MAP3K13: variants seen among roughly 807,000 people sequenced by gnomAD.
MAP3K13 encodes the protein leucine zipper-bearing kinase.
In MAP3K13, 52 loss-of-function variants were observed where a neutral mutation model predicts 104.0. The observed-to-expected ratio is 0.50, with a 90% confidence interval of 0.40 to 0.63. The LOEUF (loss-of-function observed/expected upper bound fraction) is 0.63. Ranked by LOEUF, MAP3K13 falls within the 20% of genes least tolerant of loss-of-function variation. The pLI is 0.00. For synonymous variants in MAP3K13, 394 were observed against 442.2 expected, an observed-to-expected ratio of 0.89 and a Z score of 1.37; for missense variants, 914 against 1,218.5, an observed-to-expected ratio of 0.75 and a Z score of 3.72.
At chr3:185,454,592 A>AGATATAT (rs1553808099) in intron 7 of MAP3K13, among the ~76,000 whole-genome samples, 1 of 67,740 alleles carries the variant, frequency 1.5e-5, no homozygotes, top group Non-Finnish European at 3.0e-5. Flanking sequence ...TATGATATAT[A>AGATATAT]GATATATATG....
chr3:185,446,575 G>A (rs974571898), intron 4 of MAP3K13, among the ~76,000 whole-genome samples: 1 of 152,178 alleles, frequency 6.6e-6, no homozygotes, highest in Non-Finnish European at 1.5e-5. Flanking sequence ...TTCAAGGCTG[G>A]CAGAGAGCAC....
Position 185,482,320 on chromosome 3 carries a change from T to G in MAP3K13, c.2800-35T>G, listed in dbSNP as rs1718509774. ...TTGACATATATTTACTGAGTGATTA[T>G]CGAAATGAATTAAGGTTTTGTCTTG... On this transcript the variant is annotated intron_variant, in intron 13 of 13. Coordinates refer to ENST00000265026, the MANE Select transcript of MAP3K13 (RefSeq NM_004721.5). The surrounding 1 kb of genome is among the most constrained non-coding windows in gnomAD (Gnocchi z 4.5). 6.9e-7 allele frequency: 1 copy of G among 1,442,180 alleles called. No homozygotes were observed. The highest frequency in any genetic ancestry group is 9.8e-7 in the Non-Finnish European group (1 of 1,023,274). 89.3% of individuals were successfully genotyped at this position (1,442,180 alleles called of 1,614,324 possible). A position where few individuals can be genotyped will look rare whatever the true frequency, so the allele number is the denominator to read the frequency against.
intron 1 of MAP3K13, among the ~76,000 whole-genome samples, chr3:185,409,000 G>A (rs750895094): frequency 6.6e-6 from 1 of 152,142 alleles, no homozygotes; most frequent in Non-Finnish European, 1.5e-5. Flanking sequence ...TATATAAAAA[G>A]GTGGACTAGA....
intron 1 of MAP3K13, among the ~76,000 whole-genome samples, chr3:185,395,094 A>G (rs917341009): frequency 6.6e-6 from 1 of 152,100 alleles, no homozygotes; most frequent in African/African-American, 2.4e-5. Flanking sequence ...TTAATTCTTG[A>G]TAAATCTAAA....
intron 1 of MAP3K13, among the ~76,000 whole-genome samples, chr3:185,427,735 A>G (rs775714233): frequency 7.2e-5 from 11 of 152,230 alleles, no homozygotes; most frequent in Admixed American, 1.3e-4. Context: ...AAAGATGTGT[A>G]TATCAGAACA....
chr3:185,353,246 G>T (rs1723204136), intron 2 of MAP3K13, among the ~76,000 whole-genome samples: 1 of 152,198 alleles, frequency 6.6e-6, no homozygotes, highest in Admixed American at 6.5e-5. Context: ...ATTGAGCAAT[G>T]AACAATTTGT....
chr3:185,303,619 A>G (rs1454927973), intron 2 of MAP3K13, among the ~76,000 whole-genome samples: 1 of 151,842 alleles, frequency 6.6e-6, no homozygotes. Context: ...AATTATTCAT[A>G]GTACTCTCTT....
chr3:185,347,734 C>T (rs867164129), intron 2 of MAP3K13, among the ~76,000 whole-genome samples: 1 of 152,022 alleles, frequency 6.6e-6, no homozygotes, highest in Non-Finnish European at 1.5e-5. Context: ...TGTAGCCAGG[C>T]GTAGTGGCGC....
chr3:185,304,857 C>G (rs1315370208), intron 2 of MAP3K13, among the ~76,000 whole-genome samples: 1 of 152,180 alleles, frequency 6.6e-6, no homozygotes, highest in Admixed American at 6.5e-5. Context: ...TGGTCTCAAT[C>G]TCTTGACTTT....
In MAP3K13 at chr3:185,428,761, G is replaced by T; in HGVS notation, c.180G>T (p.Val60=). 1 of 1,614,204 alleles carries T rather than the reference G, an allele frequency of 6.2e-7. No homozygotes were observed. The change falls in exon 2 of 14, where the codon GTG becomes GTT. Residue 60 remains valine (V), a synonymous_variant. Coordinates refer to ENST00000265026, the MANE Select transcript of MAP3K13 (RefSeq NM_004721.5). ...TACGAACAGAGCTAATCGAGAGCGT[G>T]CACAGCCCCGTCACCACAACAGTGT... ...GMVRTELIES[V]HSPVTTTVLT... is the part of the protein sequence containing the mutation.
At chr3:185,367,965 T>G (rs1264522392) in intron 1 of MAP3K13, among the ~76,000 whole-genome samples, 1 of 152,202 alleles carries the variant, frequency 6.6e-6, no homozygotes, top group Non-Finnish European at 1.5e-5. Flanking sequence ...TCATCCATCC[T>G]GGGCAACATG....
At chr3:185,406,546 C>T (rs915791993) in intron 1 of MAP3K13, among the ~76,000 whole-genome samples, 2 of 152,126 alleles carry the variant, frequency 1.3e-5, no homozygotes, top group African/African-American at 4.8e-5. Flanking sequence ...CACAGCCAAG[C>T]ATGCCTTCTA....
At position 185,450,158 on chromosome 3, in the gene MAP3K13, C is replaced by T; in HGVS notation, c.1169+100C>T. 1 of 1,167,672 alleles carries T rather than the reference C, an allele frequency of 8.6e-7. No individual in the cohort carries two copies. The highest frequency in any genetic ancestry group is 1.2e-6 in the Non-Finnish European group (1 of 864,054). The allele number at this position is 1,167,672 out of a possible 1,614,324, so 72.3% of individuals were successfully genotyped here. A position where few individuals can be genotyped will look rare whatever the true frequency, so the allele number is the denominator to read the frequency against. On this transcript the variant is annotated intron_variant, in intron 6 of 13. Coordinates refer to ENST00000265026, the MANE Select transcript of MAP3K13 (RefSeq NM_004721.5). This position sits in a 1 kb window ranked among gnomAD's most constrained non-coding sequence, Gnocchi z 4.2. The stretch of plus-strand genomic sequence containing the variant: ...AATAGGAGCTTTGGAGTAGGAGAAT[C>T]TTGGGTTCAAATACTAGCTCTGCCC...
intron 2 of MAP3K13, among the ~76,000 whole-genome samples, chr3:185,286,041 A>G (rs1009051598): frequency 6.6e-6 from 1 of 152,110 alleles, no homozygotes; most frequent in Non-Finnish European, 1.5e-5. Context: ...TATCAAATCT[A>G]CTGATTAGTT....
chr3:185,477,878 C>T (rs1171650971), intron 12 of MAP3K13, among the ~76,000 whole-genome samples: 1 of 152,184 alleles, frequency 6.6e-6, no homozygotes, highest in Non-Finnish European at 1.5e-5. Flanking sequence ...CAGACAGCCA[C>T]CTTCTTGCTG....
chr3:185,469,355 C>T (rs150542343), intron 10 of MAP3K13, among the ~76,000 whole-genome samples: 23 of 152,268 alleles, frequency 1.5e-4, no homozygotes, highest in African/African-American at 2.6e-4. Flanking sequence ...TTGGGGTCAA[C>T]GGACTTGGGT....
intron 12 of MAP3K13, among the ~76,000 whole-genome samples, chr3:185,478,351 G>C (rs1718247005): frequency 6.6e-6 from 1 of 152,076 alleles, no homozygotes; most frequent in African/African-American, 2.4e-5. Flanking sequence ...GTCTCCCCAG[G>C]AAGGTTTGTG....
At chr3:185,410,760 C>T (rs1320337259) in intron 1 of MAP3K13, among the ~76,000 whole-genome samples, 1 of 151,972 alleles carries the variant, frequency 6.6e-6, no homozygotes, top group Non-Finnish European at 1.5e-5. Context: ...CATGGAGAAA[C>T]CCCGTCTCTA....
intron 2 of MAP3K13, among the ~76,000 whole-genome samples, chr3:185,320,669 T>C (rs911913821): frequency 1.3e-5 from 2 of 152,136 alleles, no homozygotes; most frequent in Non-Finnish European, 2.9e-5. Flanking sequence ...TAAAAGAAAT[T>C]TTTACTTGGT....
Sources: allele counts gnomAD v4.1 joint callset (sites outside exome capture counted in the v4.1 genomes callset), GRCh38; gene constraint gnomAD v4.1.1; non-coding constraint Gnocchi (gnomAD v3.1); transcripts MANE v1.5; gene names NCBI Gene and HGNC (gene_info 2026-07-23, HGNC 2026-07-21).